The following KLF12 variants were observed in gnomAD, a reference collection of about 807,000 sequenced individuals.
The protein encoded by KLF12 is KLF transcription factor 12.
KLF12 carries 9 observed loss-of-function variants against 37.8 expected under a neutral mutation model. That is an observed-to-expected ratio of 0.24 (90% confidence interval 0.14 to 0.42). KLF12 has a LOEUF of 0.42. Among genes scored for constraint, KLF12 ranks in the 10% least tolerant of loss-of-function variants. KLF12 has a pLI of 1.00. For missense variants in KLF12, 411 were observed against 516.0 expected (o/e 0.80, Z 1.97); for synonymous variants, 208 against 202.1 (o/e 1.03, Z -0.25).
upstream of KLF12, among the ~76,000 whole-genome samples, chr13:74,136,358 C>T (rs1157665572): frequency 6.6e-6 from 1 of 152,172 alleles, no homozygotes; most frequent in Non-Finnish European, 1.5e-5. Flanking sequence ...CGGATGGAAA[C>T]GACGTGAAAA....
chr13:74,194,124 GA>G, the KLF12 span, among the ~76,000 whole-genome samples: 1 of 152,300 alleles, frequency 6.6e-6, no homozygotes, highest in Non-Finnish European at 1.5e-5. Context: ...GGAAAGAAAA[GA>G]CAAGATGTGA....
At chr13:74,283,270 T>C in the KLF12 span, among the ~76,000 whole-genome samples, 15 of 152,202 alleles carry the variant, frequency 9.9e-5, no homozygotes, top group African/African-American at 3.1e-4. Flanking sequence ...GTTTACTTCA[T>C]GAATATTCTA....
chr13:74,117,297 G>T (rs1877366143), intron 1 of KLF12, among the ~76,000 whole-genome samples: 2 of 152,126 alleles, frequency 1.3e-5, no homozygotes, highest in Admixed American at 1.3e-4. Flanking sequence ...TGTAATACCA[G>T]AAAGTTAACA....
chr13:73,919,032 T>C (rs1355034861), intron 3 of KLF12, among the ~76,000 whole-genome samples: 1 of 152,084 alleles, frequency 6.6e-6, no homozygotes, highest in African/African-American at 2.4e-5. Flanking sequence ...ATCAAACTGT[T>C]GGTACTAACT....
the KLF12 span, among the ~76,000 whole-genome samples, chr13:74,292,430 G>A: frequency 9.3e-5 from 14 of 150,000 alleles, no homozygotes; most frequent in African/African-American, 3.5e-4. Context: ...GCCTATCTCA[G>A]TAAATGAAAG....
At chr13:73,772,156 A>G (rs79959844) in intron 5 of KLF12, among the ~76,000 whole-genome samples, 60 of 34,258 alleles carry the variant, frequency 1.8e-3, no homozygotes, top group Non-Finnish European at 6.5e-3. Context: ...CAACCTGTCT[A>G]TCTTTTACTT....
chr13:73,995,311 A>T (rs1892079721), intron 1 of KLF12, among the ~76,000 whole-genome samples: 1 of 152,186 alleles, frequency 6.6e-6, no homozygotes, highest in African/African-American at 2.4e-5. Flanking sequence ...AGACCTAGAC[A>T]AAAATGAGGG....
intron 4 of KLF12, among the ~76,000 whole-genome samples, chr13:73,832,459 G>C (rs891584607): frequency 6.6e-6 from 1 of 152,158 alleles, no homozygotes; most frequent in Non-Finnish European, 1.5e-5. Context: ...CAGCATTCAC[G>C]TCTGACAAAG....
chr13:73,877,398 A>G (rs960048253), intron 3 of KLF12, among the ~76,000 whole-genome samples: 5 of 152,202 alleles, frequency 3.3e-5, no homozygotes, highest in Admixed American at 6.5e-5. Context: ...AGCAATAATA[A>G]GTTGGAATCT....
chr13:74,143,172 CTTCT>C, the KLF12 span, among the ~76,000 whole-genome samples: 1 of 151,458 alleles, frequency 6.6e-6, no homozygotes, highest in Non-Finnish European at 1.5e-5. Flanking sequence ...CTTCTTCTTT[CTTCT>C]TTCTTCTCTC....
At chr13:73,846,729 G>A (rs1050041048) in intron 3 of KLF12, among the ~76,000 whole-genome samples, 1 of 151,948 alleles carries the variant, frequency 6.6e-6, no homozygotes, top group East Asian at 1.9e-4. Context: ...ATATTACCTG[G>A]CAACAATAGT....
At chr13:74,239,580 C>G in the KLF12 span, among the ~76,000 whole-genome samples, 24 of 110,374 alleles carry the variant, frequency 2.2e-4, no homozygotes, top group African/African-American at 9.2e-4. Flanking sequence ...GAGTCTAAGT[C>G]TCTTTGTAGG....
At chr13:73,727,297 C>T (rs78315169) in intron 6 of KLF12, among the ~76,000 whole-genome samples, 3 of 152,086 alleles carry the variant, frequency 2.0e-5, no homozygotes, top group African/African-American at 4.8e-5. Flanking sequence ...AGATTTACTC[C>T]TATGTTTTAA....
At chr13:74,126,272 T>C (rs1593921427) in intron 1 of KLF12, among the ~76,000 whole-genome samples, 1 of 152,204 alleles carries the variant, frequency 6.6e-6, no homozygotes, top group Admixed American at 6.5e-5. Context: ...AATCTAATAA[T>C]TGTATGAGAT....
intron 1 of KLF12, among the ~76,000 whole-genome samples, chr13:74,120,634 T>C (rs1877574298): frequency 1.3e-5 from 2 of 152,032 alleles, no homozygotes; most frequent in Non-Finnish European, 2.9e-5. Context: ...CATATTTTTG[T>C]CTGATATTGA....
rs1490087670 is a variant in KLF12 at position 73,694,531 on chromosome 13, A to C, written c.*959T>G. On this transcript the variant is annotated 3_prime_UTR_variant, in exon 8 of 8. Transcript: ENST00000377669. Reference sequence around the variant, plus strand: ...ATTATTTCCATCTCTGCTTTGTCTGAGTTTTCATGTTCACTGACTTTGCCT... The same window carrying C: ...ATTATTTCCATCTCTGCTTTGTCTGCGTTTTCATGTTCACTGACTTTGCCT... 1 of 152,624 alleles carries C rather than the reference A, an allele frequency of 6.6e-6. No individual in the cohort carries two copies. The highest frequency in any genetic ancestry group is 1.5e-5 in the Non-Finnish European group (1 of 68,044). The allele number at this position is 152,624 out of a possible 1,614,324, so 9.5% of individuals were successfully genotyped here. A position where few individuals can be genotyped will look rare whatever the true frequency, so the allele number is the denominator to read the frequency against.
chr13:74,177,352 T>TCCATGTG, the KLF12 span, among the ~76,000 whole-genome samples: 1 of 152,176 alleles, frequency 6.6e-6, no homozygotes, highest in African/African-American at 2.4e-5. Context: ...GGAGAAGGGC[T>TCCATGTG]GAGGAAGGCA....
chr13:73,955,020 A>G (rs1890787759), intron 2 of KLF12, among the ~76,000 whole-genome samples: 1 of 152,204 alleles, frequency 6.6e-6, no homozygotes, highest in African/African-American at 2.4e-5. Context: ...TACCATGTAT[A>G]TAAGTCCAGG....
chr13:74,008,900 T>C (rs1352717556), intron 1 of KLF12, among the ~76,000 whole-genome samples: 1 of 152,204 alleles, frequency 6.6e-6, no homozygotes, highest in Non-Finnish European at 1.5e-5. Context: ...AATCGATAAC[T>C]TATGTCCATT....
Sources: gnomAD v4.1 joint callset for allele counts (sites outside exome capture counted in the v4.1 genomes callset) on GRCh38, gnomAD v4.1.1 for gene constraint, MANE v1.5 for transcripts, NCBI Gene and HGNC (gene_info 2026-07-23, HGNC 2026-07-21) for gene names.